The following ADAM23 variants were observed in gnomAD, a reference collection of about 807,000 sequenced individuals.
The protein encoded by ADAM23 is ADAM metallopeptidase domain 23.
A neutral mutation model predicts 120.1 loss-of-function variants in ADAM23; 33 were observed. The observed-to-expected ratio is 0.27, with a 90% CI of 0.21 to 0.37. The LOEUF (loss-of-function observed/expected upper bound fraction) is 0.37, where lower values mean the gene tolerates loss of function less well. ADAM23 is among the 10% of genes least tolerant of loss of function. ADAM23 has a pLI of 1.00. For synonymous variants in ADAM23, 367 were observed against 375.2 expected (o/e 0.98, Z 0.25); for missense variants, 862 against 1,058.2 (o/e 0.81, Z 2.57).
intron 18 of ADAM23, among the ~76,000 whole-genome samples, chr2:206,574,996 A>G (rs1193775375): frequency 1.3e-5 from 2 of 152,196 alleles, no homozygotes; most frequent in Non-Finnish European, 2.9e-5. Context: ...GGGTATAGAA[A>G]GGCAAGTAAA....
At chr2:206,588,848 T>C (rs1209743354) in intron 20 of ADAM23, among the ~76,000 whole-genome samples, 1 of 152,238 alleles carries the variant, frequency 6.6e-6, no homozygotes, top group Non-Finnish European at 1.5e-5. Flanking sequence ...ATTTTAGAGT[T>C]TGGCAAATAT....
intron 2 of ADAM23, among the ~76,000 whole-genome samples, chr2:206,447,103 C>T (rs1169475268): frequency 6.6e-6 from 1 of 152,134 alleles, no homozygotes; most frequent in African/African-American, 2.4e-5. Flanking sequence ...TTTAATAACT[C>T]AGATGTTTGA....
At chr2:206,544,185 GTACTT>G (rs772244605) in intron 6 of ADAM23, among the ~76,000 whole-genome samples, 6 of 152,170 alleles carry the variant, frequency 3.9e-5, no homozygotes, top group Non-Finnish European at 5.9e-5. Context: ...CTATAAGAAT[GTACTT>G]AACTTTTATG....
At chr2:206,479,672 TTC>T (rs377258635) in intron 2 of ADAM23, among the ~76,000 whole-genome samples, 11 of 150,798 alleles carry the variant, frequency 7.3e-5, no homozygotes, top group Non-Finnish European at 1.0e-4. Flanking sequence ...TGACAGAAGT[TTC>T]TCTCTCTCTC....
At chr2:206,502,786 A>G (rs1696415475) in intron 3 of ADAM23, among the ~76,000 whole-genome samples, 1 of 152,158 alleles carries the variant, frequency 6.6e-6, no homozygotes, top group African/African-American at 2.4e-5. Flanking sequence ...GTGGACATGT[A>G]ATTTTATTTA....
chr2:206,560,122 C>A lies in ADAM23; in HGVS notation c.1169+4C>A. 6.2e-7 allele frequency: 1 copy of A among 1,611,596 alleles called. No individual in the cohort carries two copies. The highest frequency in any genetic ancestry group is 1.7e-5 in the Admixed American group (1 of 59,810). On this transcript the variant is annotated splice_donor_region_variant and intron_variant, in intron 11 of 25. Coordinates refer to ENST00000264377, the MANE Select transcript of ADAM23 (RefSeq NM_003812.4). ...CTGATGCTGTGCACCTCATCTCGTACGTACTCATTTCAGCCTTTAGTGTAG... is the reference window on the plus strand; with the variant it reads ...CTGATGCTGTGCACCTCATCTCGTAAGTACTCATTTCAGCCTTTAGTGTAG...
intron 3 of ADAM23, among the ~76,000 whole-genome samples, chr2:206,494,148 G>A (rs1313794037): frequency 1.3e-5 from 2 of 152,052 alleles, no homozygotes; most frequent in Non-Finnish European, 2.9e-5. Context: ...ATCTCCTTTT[G>A]CAAATTTCAA....
intron 22 of ADAM23, among the ~76,000 whole-genome samples, chr2:206,593,072 G>T (rs1473140996): frequency 1.3e-5 from 2 of 152,114 alleles, no homozygotes; most frequent in African/African-American, 4.8e-5. Flanking sequence ...CACTGTGTGT[G>T]TATTTATTTT....
Position 206,477,999 on chromosome 2 carries a change from CTG to C in ADAM23, c.433-3229_433-3228del, listed in dbSNP as rs566688694. ...CATTTAAAATGGGCATATATAAAAA[CTG>C]TGTAATATTTTGTTAAAGAAAAAGT... On this transcript the variant is annotated intron_variant, in intron 2 of 25. Transcript: ENST00000264377. Among the ~76,000 whole-genome samples the C allele has an allele frequency of 3.8e-3, 555 of 147,644 alleles. 5 individuals are homozygous for C. Among genetic ancestry groups the C allele is most frequent in the African/African-American group, 0.013 (516 of 39,902 alleles).
chr2:206,510,203 CCTT>C (rs1295938947), intron 3 of ADAM23, among the ~76,000 whole-genome samples: 3 of 152,046 alleles, frequency 2.0e-5, no homozygotes, highest in Non-Finnish European at 4.4e-5. Context: ...ATTATGAGCA[CCTT>C]CTTTTGGGGC....
chr2:206,500,115 T>A (rs1173934734), intron 3 of ADAM23, among the ~76,000 whole-genome samples: 1 of 152,174 alleles, frequency 6.6e-6, no homozygotes, highest in African/African-American at 2.4e-5. Flanking sequence ...GAAAATTCTT[T>A]CTTCCTATAA....
chr2:206,533,682 T>A (rs1697118349), intron 4 of ADAM23, among the ~76,000 whole-genome samples: 1 of 152,244 alleles, frequency 6.6e-6, no homozygotes, highest in African/African-American at 2.4e-5. Flanking sequence ...GAGGGTTGTC[T>A]AGGTTTTCCC....
At chr2:206,540,602 A>G (rs1217692347) in intron 4 of ADAM23, among the ~76,000 whole-genome samples, 1 of 152,168 alleles carries the variant, frequency 6.6e-6, no homozygotes, top group Admixed American at 6.5e-5. Context: ...AAATTTCAGG[A>G]GATGGAAAGT....
chr2:206,597,708 T>A (rs1698556964), intron 24 of ADAM23, among the ~76,000 whole-genome samples: 1 of 152,214 alleles, frequency 6.6e-6, no homozygotes. Flanking sequence ...GCTAACAGTT[T>A]TTTTGTAACT....
At chr2:206,589,670 G>A (rs376168435) in intron 21 of ADAM23, among the ~76,000 whole-genome samples, 156 bp downstream of exon 21, 1 of 152,226 alleles carries the variant, frequency 6.6e-6, no homozygotes, top group African/African-American at 2.4e-5. Context: ...ATTATATCTA[G>A]AGGCAAATGG....
In ADAM23 at chr2:206,493,598, C is replaced by A. The variant is rs552160070; in HGVS notation, c.509+12290C>A. On this transcript the variant is annotated intron_variant, in intron 3 of 25. Transcript: ENST00000264377. ...ATGTTGGCCAGGCTGGTCTCGAACTCCCGACCTCAGGTGATCCACCTGCCT... is the reference window on the plus strand; with the variant it reads ...ATGTTGGCCAGGCTGGTCTCGAACTACCGACCTCAGGTGATCCACCTGCCT... Among the ~76,000 whole-genome samples the A allele has an allele frequency of 6.6e-5, 10 of 152,358 alleles. No homozygotes were observed. The East Asian group carries it at 1.9e-3, about 29-fold the overall frequency.
intron 22 of ADAM23, among the ~76,000 whole-genome samples, 195 bp downstream of exon 22, chr2:206,592,931 A>G (rs1698452761): frequency 6.6e-6 from 1 of 152,204 alleles, no homozygotes; most frequent in Admixed American, 6.5e-5. Flanking sequence ...TGCAGCTTAC[A>G]TTTGCTCAAA....
At chr2:206,545,636 G>A (rs1342941936) in intron 6 of ADAM23, among the ~76,000 whole-genome samples, 1 of 152,138 alleles carries the variant, frequency 6.6e-6, no homozygotes, top group Non-Finnish European at 1.5e-5. Context: ...ATGCAGAAAA[G>A]TTTTAAAGGG....
intron 3 of ADAM23, among the ~76,000 whole-genome samples, chr2:206,484,226 A>T (rs925462593): frequency 6.6e-6 from 1 of 152,094 alleles, no homozygotes. Flanking sequence ...AGTTGAAGAA[A>T]CACATTTCTG....
Sources: gnomAD v4.1 joint callset for allele counts (sites outside exome capture counted in the v4.1 genomes callset) on GRCh38, gnomAD v4.1.1 for gene constraint, MANE v1.5 for transcripts, NCBI Gene and HGNC (gene_info 2026-07-23, HGNC 2026-07-21) for gene names.